USP7: variants seen among roughly 807,000 people sequenced by gnomAD.
USP7 encodes the protein ubiquitin specific peptidase 7.
A neutral mutation model predicts 162.9 loss-of-function variants in USP7; 9 were observed. The observed-to-expected ratio is 0.06, with a 90% confidence interval of 0.03 to 0.10. The LOEUF is 0.10. Among genes scored for constraint, USP7 ranks in the 10% least tolerant of loss-of-function variants. The pLI is 1.00. For missense variants in USP7, 715 were observed against 1,373.7 expected (o/e 0.52, Z 7.58); for synonymous variants, 562 against 475.9 (o/e 1.18, Z -2.35).
At position 8,921,144 on chromosome 16, in the gene USP7, C is replaced by A. The variant is rs761803936; in HGVS notation, c.522+13G>T. On this transcript the variant is annotated intron_variant, in intron 4 of 30. Transcript: ENST00000344836. ...ATGCACCAATTGTTCAGACTAAATA[C>A]ACTGTTACTTACACTCCAGGCCATA... 2 of 1,613,054 alleles carry A rather than the reference C, an allele frequency of 1.2e-6. No individual in the cohort carries two copies. Among genetic ancestry groups the A allele is most frequent in the Non-Finnish European group, 1.7e-6 (2 of 1,179,838 alleles).
At chr16:8,933,010 G>A (rs1898462138) in intron 1 of USP7, among the ~76,000 whole-genome samples, 1 of 151,586 alleles carries the variant, frequency 6.6e-6, no homozygotes. Context: ...GCGAGATCTC[G>A]GCTCACTGCA....
chr16:8,930,075 C>T (rs1216020116), intron 2 of USP7, among the ~76,000 whole-genome samples: 2 of 152,320 alleles, frequency 1.3e-5, no homozygotes, highest in East Asian at 3.9e-4. Flanking sequence ...TACATTACAC[C>T]TCCTTGCCTA....
chr16:8,927,334 A>C (rs1249641453), intron 2 of USP7, among the ~76,000 whole-genome samples: 4 of 152,108 alleles, frequency 2.6e-5, no homozygotes, highest in African/African-American at 9.7e-5. Context: ...AAAAAAAAGA[A>C]AGAAAGTTAA....
At chr16:8,952,118 G>A (rs1899582234) in intron 1 of USP7, among the ~76,000 whole-genome samples, 1 of 152,106 alleles carries the variant, frequency 6.6e-6, no homozygotes, top group South Asian at 2.1e-4. Flanking sequence ...GGCCAGGTGT[G>A]GTGTGCCTGT....
At chr16:8,922,825 G>T (rs1249314689) in intron 3 of USP7, among the ~76,000 whole-genome samples, 1 of 152,166 alleles carries the variant, frequency 6.6e-6, no homozygotes, top group African/African-American at 2.4e-5. Flanking sequence ...CCTTCACAAA[G>T]TATGTTTTAC....
chr16:8,945,387 C>G (rs1380573565), intron 1 of USP7, among the ~76,000 whole-genome samples: 1 of 152,078 alleles, frequency 6.6e-6, no homozygotes, highest in East Asian at 1.9e-4. Flanking sequence ...CTGTCTCAAA[C>G]AAACAAACAA....
At chr16:8,907,964 C>T (rs1022306498) in intron 12 of USP7, among the ~76,000 whole-genome samples, 4 of 152,154 alleles carry the variant, frequency 2.6e-5, no homozygotes, top group African/African-American at 7.2e-5. Context: ...CCTATTTAAA[C>T]GAATACACTA....
intron 1 of USP7, among the ~76,000 whole-genome samples, chr16:8,934,365 G>A (rs914429646): frequency 2.6e-5 from 4 of 152,126 alleles, no homozygotes; most frequent in African/African-American, 9.7e-5. Flanking sequence ...CTCAAAGAAG[G>A]GCTTGTTTGG....
intron 6 of USP7, among the ~76,000 whole-genome samples, chr16:8,918,771 T>G (rs1453782120): frequency 1.3e-5 from 2 of 152,132 alleles, no homozygotes; most frequent in African/African-American, 4.8e-5. Context: ...GTCACACCAT[T>G]GCACTCCAGC....
chr16:8,898,600 A>G lies in USP7; in HGVS notation c.2571T>C (p.Tyr857=). Residue 857 remains tyrosine (Y), a synonymous_variant, in exon 24 of 31, where the codon TAT becomes TAC. Transcript: ENST00000344836. The part of the protein sequence containing the change: ...DGPGNPLRHN[Y]EGTLRDLLQF... ...GTAGAAGATCTCTTAAAGTACCTTC[A>G]TAATTATGTCTAAGAGGATTACCTG... 1 of 1,610,296 alleles carries G rather than the reference A, an allele frequency of 6.2e-7. No individual in the cohort carries two copies. The highest frequency in any genetic ancestry group is 8.5e-7 in the Non-Finnish European group (1 of 1,179,058).
At chr16:8,896,185 A>C (rs866651536) in intron 26 of USP7, among the ~76,000 whole-genome samples, 29 of 149,810 alleles carry the variant, frequency 1.9e-4, no homozygotes, top group Non-Finnish European at 3.2e-4. Flanking sequence ...TATCAGAAAC[A>C]GAGACCGGAG....
At chr16:8,921,008 T>C in intron 4 of USP7, 149 bp downstream of exon 4, 1 of 904,194 alleles carries the variant, frequency 1.1e-6, no homozygotes, top group Non-Finnish European at 1.6e-6. Flanking sequence ...GATACGAAAC[T>C]GGAGAAAACA....
chr16:8,930,041 A>C (rs1030324799), intron 2 of USP7, among the ~76,000 whole-genome samples: 1 of 152,188 alleles, frequency 6.6e-6, no homozygotes, highest in Non-Finnish European at 1.5e-5. Flanking sequence ...GCAGGAGTAA[A>C]TACCCACCTA....
At chr16:8,898,209 A>G in intron 25 of USP7, 151 bp downstream of exon 25, 1 of 685,582 alleles carries the variant, frequency 1.5e-6, no homozygotes, top group South Asian at 1.9e-5. Flanking sequence ...AGGAGGCAGG[A>G]AAGACTGGCC....
intron 10 of USP7, among the ~76,000 whole-genome samples, chr16:8,913,660 C>T (rs891502138): frequency 3.3e-5 from 5 of 152,072 alleles, no homozygotes; most frequent in South Asian, 2.1e-4. Context: ...TGATTCCTAA[C>T]GAGAATCCAT....
Position 8,895,701 on chromosome 16 carries a change from G to C in USP7, c.2860C>G (p.Gln954Glu). The C allele has an allele frequency of 6.2e-7, 1 of 1,613,114 alleles. No individual in the cohort carries two copies. The highest frequency in any genetic ancestry group is 2.2e-5 in the East Asian group (1 of 44,872). The change falls in exon 27 of 31, where the codon CAA (glutamine) becomes GAA (glutamate). Residue 954 changes from glutamine (Q) to glutamate (E), a missense_variant. By Grantham distance (29) the Gln-to-Glu change is conservative. Transcript: ENST00000344836. ...AAACATTCTAATAGTTCATCTTCTT[G>C]ATGAACACCAATGATTTTGTAGCTT... ...IVSYKIIGVH[Q>E]EDELLECLSP... is the part of the protein sequence containing the mutation.
chr16:8,920,481 T>G, intron 4 of USP7, 34 bp from the exon 5 acceptor site: 1 of 1,565,110 alleles, frequency 6.4e-7, no homozygotes, highest in Non-Finnish European at 8.8e-7. Context: ...CCAGCTTGAA[T>G]AAGAACACAC....
chr16:8,923,496 C>G lies in USP7; in HGVS notation c.185-83G>C. 3.5e-6 allele frequency: 5 copies of G among 1,414,066 alleles called. No individual in the cohort carries two copies. The South Asian group carries it at 5.0e-5, about 14-fold the overall frequency. The allele number at this position is 1,414,066 out of a possible 1,614,324, so 87.6% of individuals were successfully genotyped here. A position where few individuals can be genotyped will look rare whatever the true frequency, so the allele number is the denominator to read the frequency against. ...ATTAATCGACATGGAGTAAACTGTT[C>G]TATACATCCTGATTTAACTGCTAAA... On this transcript the variant is annotated intron_variant, in intron 2 of 30. Transcript: ENST00000344836.
chr16:8,945,909 AAAC>A (rs1567243519), intron 1 of USP7, among the ~76,000 whole-genome samples: 1 of 152,158 alleles, frequency 6.6e-6, no homozygotes, highest in Non-Finnish European at 1.5e-5. Context: ...AAATTAAAAA[AAAC>A]AACAGCACTG....
Sources: allele counts gnomAD v4.1 joint callset (sites outside exome capture counted in the v4.1 genomes callset), GRCh38; gene constraint gnomAD v4.1.1; transcripts MANE v1.5; gene names NCBI Gene and HGNC (gene_info 2026-07-23, HGNC 2026-07-21).